NUBPL: variants seen among roughly 807,000 people sequenced by gnomAD.
NUBPL encodes NUBP iron-sulfur cluster assembly factor, mitochondrial.
Under a neutral mutation model 45.7 loss-of-function variants are expected in NUBPL, and 31 were observed. That is an observed-to-expected ratio of 0.68 (90% confidence interval 0.51 to 0.92). The LOEUF (loss-of-function observed/expected upper bound fraction) is 0.92, where lower values mean the gene tolerates loss of function less well. Among genes scored for constraint, NUBPL ranks in the 40% least tolerant of loss-of-function variants. The pLI, the probability that NUBPL is intolerant of heterozygous loss-of-function variation, is 0.00. For synonymous variants in NUBPL, 144 were observed against 140.9 expected (o/e 1.02, Z -0.15); for missense variants, 401 against 398.7 (o/e 1.01, Z -0.05).
intron 4 of NUBPL, among the ~76,000 whole-genome samples, chr14:31,643,410 A>T (rs1030752096): frequency 1.3e-5 from 2 of 152,162 alleles, no homozygotes; most frequent in South Asian, 4.1e-4. Flanking sequence ...AAATGATCAC[A>T]TGATATTTCC....
chr14:31,858,522 A>T (rs1054615085), intron 10 of NUBPL, among the ~76,000 whole-genome samples: 2 of 152,200 alleles, frequency 1.3e-5, no homozygotes, highest in Non-Finnish European at 2.9e-5. Flanking sequence ...TCTGTGGCTT[A>T]AGAGCTGCTG....
intron 6 of NUBPL, among the ~76,000 whole-genome samples, chr14:31,766,827 G>GT (rs2138747790): frequency 6.6e-6 from 1 of 152,252 alleles, no homozygotes; most frequent in South Asian, 2.1e-4. Context: ...CCCAAAAGGG[G>GT]TTGTTGGCAC....
At chr14:31,833,105 T>C (rs1336721631) in intron 8 of NUBPL, among the ~76,000 whole-genome samples, 1 of 152,164 alleles carries the variant, frequency 6.6e-6, no homozygotes, top group Non-Finnish European at 1.5e-5. Flanking sequence ...TGGTGGCTCA[T>C]GCCTGTAATC....
intron 4 of NUBPL, among the ~76,000 whole-genome samples, chr14:31,610,844 C>T (rs1265301905): frequency 6.6e-6 from 1 of 152,100 alleles, no homozygotes; most frequent in African/African-American, 2.4e-5. Context: ...GATCATTTCA[C>T]TTGATGGTGA....
At chr14:31,561,945 AGAT>A in intron 1 of NUBPL, 120 bp from the exon 2 acceptor site, 1 of 906,746 alleles carries the variant, frequency 1.1e-6, no homozygotes, top group Non-Finnish European at 1.7e-6. Flanking sequence ...TCCATAGTGA[AGAT>A]GAGCAGAATT....
chr14:31,722,993 T>C (rs2037845857), intron 6 of NUBPL, among the ~76,000 whole-genome samples: 1 of 152,224 alleles, frequency 6.6e-6, no homozygotes, highest in Non-Finnish European at 1.5e-5. Flanking sequence ...TTGCTGTTGG[T>C]GTCTTTGTCA....
rs543818938 is a variant in NUBPL, at chr14:31,632,177, G to A, written c.382+32798G>A. Reference sequence around the variant, plus strand: ...ACTATTTACAAGATGTGGGAGAAGTGTAGGGAAACAACAACAGATAGGATA... The same window carrying A: ...ACTATTTACAAGATGTGGGAGAAGTATAGGGAAACAACAACAGATAGGATA... On this transcript the variant is annotated intron_variant, in intron 4 of 10. Coordinates refer to ENST00000281081, the MANE Select transcript of NUBPL (RefSeq NM_025152.3). 8.5e-5 allele frequency among the ~76,000 whole-genome samples: 13 copies of A among 152,288 alleles called. No homozygotes were observed. The East Asian group carries it at 2.5e-3, about 29-fold the overall frequency.
intron 4 of NUBPL, among the ~76,000 whole-genome samples, chr14:31,668,878 T>C (rs2036502955): frequency 6.6e-6 from 1 of 152,118 alleles, no homozygotes; most frequent in Non-Finnish European, 1.5e-5. Flanking sequence ...CCTTTCCCTC[T>C]AACCAGTTCC....
intron 8 of NUBPL, among the ~76,000 whole-genome samples, chr14:31,842,117 G>C (rs1278102539): frequency 1.3e-5 from 2 of 151,314 alleles, no homozygotes; most frequent in African/African-American, 2.4e-5. Context: ...TTTTAGTAGA[G>C]ATGGGGTTTC....
intron 7 of NUBPL, among the ~76,000 whole-genome samples, chr14:31,804,493 C>T (rs1032061347): frequency 2.0e-5 from 3 of 152,126 alleles, no homozygotes; most frequent in Admixed American, 2.0e-4. Flanking sequence ...CCCTGAATAC[C>T]TATCAAGAGG....
intron 7 of NUBPL, among the ~76,000 whole-genome samples, chr14:31,816,448 C>G (rs1285139224): frequency 1.5e-5 from 1 of 65,048 alleles, no homozygotes; most frequent in Non-Finnish European, 4.2e-5. Flanking sequence ...TGGTTAGAGT[C>G]TATCTATTTT....
At chr14:31,666,796 C>T (rs2036441289) in intron 4 of NUBPL, among the ~76,000 whole-genome samples, 1 of 152,098 alleles carries the variant, frequency 6.6e-6, no homozygotes, top group Admixed American at 6.6e-5. Context: ...GTTTTTATTT[C>T]TCCTTCACTT....
chr14:31,711,438 C>A (rs1168319603), intron 6 of NUBPL, among the ~76,000 whole-genome samples: 2 of 152,084 alleles, frequency 1.3e-5, no homozygotes, highest in Admixed American at 1.3e-4. Context: ...CAAAAGGGGT[C>A]CAGTGGTACT....
intron 6 of NUBPL, among the ~76,000 whole-genome samples, chr14:31,704,927 C>T (rs2037414842): frequency 1.3e-5 from 2 of 152,096 alleles, no homozygotes; most frequent in Non-Finnish European, 2.9e-5. Context: ...GAGTTTGTTC[C>T]TTCAGATGTT....
chr14:31,585,511 G>A (rs559905521), intron 3 of NUBPL, among the ~76,000 whole-genome samples: 3 of 151,898 alleles, frequency 2.0e-5, no homozygotes, highest in Non-Finnish European at 4.4e-5. Flanking sequence ...ATGAACATTT[G>A]TGTGCAAATT....
intron 6 of NUBPL, among the ~76,000 whole-genome samples, chr14:31,753,837 T>C (rs927530588): frequency 6.6e-6 from 1 of 152,164 alleles, no homozygotes; most frequent in African/African-American, 2.4e-5. Context: ...TTAGACTATC[T>C]ACTTGAAGTA....
At chr14:31,753,996 G>C (rs1183545833) in intron 6 of NUBPL, among the ~76,000 whole-genome samples, 1 of 152,124 alleles carries the variant, frequency 6.6e-6, no homozygotes, top group Non-Finnish European at 1.5e-5. Flanking sequence ...AACTATGAGA[G>C]ATAATAGATA....
chr14:31,779,160 G>A (rs2039148637), intron 6 of NUBPL, among the ~76,000 whole-genome samples: 1 of 151,980 alleles, frequency 6.6e-6, no homozygotes, highest in African/African-American at 2.4e-5. Context: ...TGACCAACAT[G>A]GAGAAACCCC....
chr14:31,808,781 G>A (rs569977863), intron 7 of NUBPL, among the ~76,000 whole-genome samples: 3 of 152,152 alleles, frequency 2.0e-5, no homozygotes, highest in African/African-American at 4.8e-5. Context: ...ATTATTTTGA[G>A]ATATTTTCCA....
Sources: allele counts gnomAD v4.1 joint callset (sites outside exome capture counted in the v4.1 genomes callset), GRCh38; gene constraint gnomAD v4.1.1; transcripts MANE v1.5; gene names NCBI Gene and HGNC (gene_info 2026-07-23, HGNC 2026-07-21).